The following EP400 variants were observed in gnomAD, a reference collection of about 807,000 sequenced individuals.
EP400 encodes the protein E1A binding protein p400.
In EP400, 105 loss-of-function variants were observed where a neutral mutation model predicts 354.1. That is an observed-to-expected ratio of 0.30 (90% CI 0.25 to 0.35). The LOEUF (loss-of-function observed/expected upper bound fraction) is 0.35, where lower values mean the gene tolerates loss of function less well. Among genes scored for constraint, EP400 ranks in the 10% least tolerant of loss-of-function variants. The pLI, the probability that EP400 is intolerant of heterozygous loss-of-function variation, is 1.00. For missense variants in EP400, 3,280 were observed against 4,121.0 expected, an observed-to-expected ratio of 0.80 and a Z score of 5.59; for synonymous variants, 1,646 against 1,716.9, an observed-to-expected ratio of 0.96 and a Z score of 1.02.
At chr12:132,042,455 A>T (rs982123570) in intron 32 of EP400, among the ~76,000 whole-genome samples, 6 of 152,150 alleles carry the variant, frequency 3.9e-5, no homozygotes, top group African/African-American at 7.2e-5. Context: ...TGCTCTGCTG[A>T]GGAGATTACT....
At chr12:131,966,210 T>C (rs991383025) in intron 2 of EP400, among the ~76,000 whole-genome samples, 3 of 151,732 alleles carry the variant, frequency 2.0e-5, no homozygotes, top group Non-Finnish European at 4.4e-5. Context: ...GGCCAGGCAC[T>C]GTGGTTCACG....
intron 2 of EP400, among the ~76,000 whole-genome samples, chr12:131,973,789 G>T (rs146548568): frequency 5.3e-5 from 8 of 152,180 alleles, no homozygotes; most frequent in South Asian, 4.2e-4. Context: ...GTTTCCAGAA[G>T]GTTTTGTGGT....
chr12:132,063,617 C>T (rs913674158), intron 47 of EP400, among the ~76,000 whole-genome samples: 3 of 152,216 alleles, frequency 2.0e-5, no homozygotes, highest in Admixed American at 2.0e-4. Context: ...TTTGAAGTTT[C>T]AGCTCACTGT....
rs1399449348 is a variant in EP400, at chr12:132,067,113, C to A, written c.8749+144C>A. On this transcript the variant is annotated intron_variant, in intron 49 of 52. Transcript: ENST00000389561. The surrounding 1 kb of genome is among the most constrained non-coding windows in gnomAD (Gnocchi z 5.3). ...CATCACGTGTTCTAGCACAAACGTG[C>A]CTTGGCGCTTTCCAGGCGCAAGGCT... 1 of 1,210,282 alleles carries A rather than the reference C, an allele frequency of 8.3e-7. No individual in the cohort carries two copies. Among genetic ancestry groups the A allele is most frequent in the East Asian group, 2.6e-5 (1 of 37,764 alleles). The allele number at this position is 1,210,282 out of a possible 1,614,324, so 75.0% of individuals were successfully genotyped here.
chr12:132,007,875 T>C (rs1269701542), intron 15 of EP400, among the ~76,000 whole-genome samples: 1 of 152,122 alleles, frequency 6.6e-6, no homozygotes, highest in Non-Finnish European at 1.5e-5. Flanking sequence ...CACAGTGGGC[T>C]TGTGGTGGGG....
In EP400 at chr12:132,027,367, G is replaced by T; in HGVS notation, c.5015-70G>T. 1 of 1,499,362 alleles carries T rather than the reference G, an allele frequency of 6.7e-7. No individual in the cohort carries two copies. The highest frequency in any genetic ancestry group is 1.1e-5 in the South Asian group (1 of 87,736). 92.9% of individuals were successfully genotyped at this position (1,499,362 alleles called of 1,614,324 possible). On this transcript the variant is annotated intron_variant, in intron 25 of 52. Transcript: ENST00000389561. The surrounding 1 kb of genome is among the most constrained non-coding windows in gnomAD (Gnocchi z 4.9). ...CTGGTGGAGGGTGAGGTTCCATGGA[G>T]CATGCTGGTGTCAGATGAAATCCTG...
Position 132,067,089 on chromosome 12 carries a change from A to G in EP400, c.8749+120A>G. 8 of 1,311,290 alleles carry G rather than the reference A, an allele frequency of 6.1e-6. No individual in the cohort carries two copies. In the South Asian group the frequency reaches 1.1e-4, roughly 18 times the overall value. 81.2% of individuals were successfully genotyped at this position (1,311,290 alleles called of 1,614,324 possible). The stretch of plus-strand genomic sequence containing the variant: ...TCACACCCACCCACTTGAGCGTGCC[A>G]TCACGTGTTCTAGCACAAACGTGCC... On this transcript the variant is annotated intron_variant, in intron 49 of 52. Transcript: ENST00000389561. This position sits in a 1 kb window ranked among gnomAD's most constrained non-coding sequence, Gnocchi z 5.3.
At chr12:131,984,121 C>G (rs1445106543) in intron 5 of EP400, among the ~76,000 whole-genome samples, 1 of 152,200 alleles carries the variant, frequency 6.6e-6, no homozygotes, top group Non-Finnish European at 1.5e-5. Flanking sequence ...TGGTCTTGAA[C>G]TCCTGACCTC....
chr12:132,077,707 A>G lies in EP400; in HGVS notation c.*34A>G. On this transcript the variant is annotated 3_prime_UTR_variant, in exon 53 of 53. Coordinates refer to ENST00000389561, the MANE Select transcript of EP400 (RefSeq NM_015409.5). ...GCAGGGCTGCCTCTCATCTAAAGCA[A>G]AACTACCTTCCTCACAGAAAACGCT... 6.5e-7 allele frequency: 1 copy of G among 1,542,100 alleles called. No individual in the cohort carries two copies. Among genetic ancestry groups the G allele is most frequent in the South Asian group, 1.2e-5 (1 of 80,438 alleles).
intron 47 of EP400, among the ~76,000 whole-genome samples, chr12:132,064,086 A>ACCC (rs568844341): frequency 6.1e-5 from 5 of 82,574 alleles, no homozygotes; most frequent in Non-Finnish European, 1.0e-4. Context: ...ACCACTGATG[A>ACCC]CCCCCCGGCC....
intron 29 of EP400, among the ~76,000 whole-genome samples, chr12:132,031,581 C>CA (rs1039925382): frequency 1.3e-5 from 2 of 152,148 alleles, no homozygotes; most frequent in African/African-American, 4.8e-5. Flanking sequence ...TTTTTTGAGA[C>CA]AGAGTCCTGC....
chr12:132,048,544 G>A (rs1048639869), intron 39 of EP400, among the ~76,000 whole-genome samples: 10 of 144,300 alleles, frequency 6.9e-5, no homozygotes, highest in African/African-American at 1.8e-4. Flanking sequence ...TTTTTTAGAC[G>A]GGAATTTCAC....
chr12:131,982,158 G>C lies in EP400; in HGVS notation c.1609G>C (p.Asp537His). ...ACAGAGGCAGAGTCAGCAGCAGTAT[G>C]ACCCCTCCACGGGGCCTCCCGTGCA... ...AGQRQSQQQY[D>H]PSTGPPVQNA... The change falls in exon 5 of 53, where the codon GAC becomes CAC. Residue 537 changes from aspartate to histidine, a missense_variant. Physicochemically the swap from Asp to His is moderately conservative, Grantham distance 81. Coordinates refer to ENST00000389561, the MANE Select transcript of EP400 (RefSeq NM_015409.5). The C allele has an allele frequency of 6.2e-7, 1 of 1,601,866 alleles. No homozygotes were observed. The highest frequency in any genetic ancestry group is 8.5e-7 in the Non-Finnish European group (1 of 1,171,542).
intron 41 of EP400, among the ~76,000 whole-genome samples, chr12:132,051,305 C>T (rs569051465): frequency 1.3e-5 from 2 of 152,242 alleles, no homozygotes; most frequent in Non-Finnish European, 2.9e-5. Flanking sequence ...GGTTTCTCCC[C>T]GTGTGCGGAG....
chr12:132,062,425 G>A (rs932540640), intron 46 of EP400, 41 bp from the exon 47 acceptor site: 7 of 1,610,394 alleles, frequency 4.3e-6, no homozygotes, highest in African/African-American at 2.7e-5. Context: ...GAAGGTGGGC[G>A]AGTATCCCTG....
At chr12:132,076,106 G>T in intron 51 of EP400, 1 of 225,302 alleles carries the variant, frequency 4.4e-6, no homozygotes, top group Non-Finnish European at 9.1e-6. Flanking sequence ...ACTTCAGCTG[G>T]CTGCCCTAGC....
In EP400 at chr12:131,979,833, C is replaced by A. The variant is rs753266953; in HGVS notation, c.1435+40C>A. 3.9e-6 allele frequency: 6 copies of A among 1,531,766 alleles called. No homozygotes were observed. In the African/African-American group the frequency reaches 4.1e-5, roughly 11 times the overall value. 94.9% of individuals were successfully genotyped at this position (1,531,766 alleles called of 1,614,324 possible). On this transcript the variant is annotated intron_variant, in intron 3 of 52. Transcript: ENST00000389561. ...CTAGCGTGGCCTCGGGAATGCCCCC[C>A]TCTCCTTGGGCTGCCGAGGTACAGT... is the stretch of plus-strand genomic sequence containing the variant.
Position 132,023,857 on chromosome 12 carries a change from A to G in EP400, c.4771A>G (p.Thr1591Ala), listed in dbSNP as rs1482237605. 6.2e-7 allele frequency: 1 copy of G among 1,613,692 alleles called. No homozygotes were observed. Residue 1591 changes from threonine to alanine, a missense_variant, in exon 24 of 53, where the codon ACA (threonine) becomes GCA (alanine). Thr to Ala is a moderately conservative substitution (Grantham distance 58, BLOSUM62 0). Coordinates refer to ENST00000389561, the MANE Select transcript of EP400 (RefSeq NM_015409.5). ...SRVAQPETPV[T>A]LQFQGSKFTL... ...CGTGGCTCAGCCAGAGACGCCGGTG[A>G]CACTGCAGTTCCAGGGCAGCAAGTT...
chr12:132,069,743 C>T (rs1896013972), intron 51 of EP400, 102 bp downstream of exon 51: 1 of 1,519,336 alleles, frequency 6.6e-7, no homozygotes, highest in Admixed American at 1.9e-5. Context: ...CTTGCGGCTG[C>T]ACTGGGTGGT....
Sources: allele counts gnomAD v4.1 joint callset (sites outside exome capture counted in the v4.1 genomes callset), GRCh38; gene constraint gnomAD v4.1.1; non-coding constraint Gnocchi (gnomAD v3.1); transcripts MANE v1.5; gene names NCBI Gene and HGNC (gene_info 2026-07-23, HGNC 2026-07-21).